Variants in AK5 observed in about 807,000 individuals in gnomAD.
AK5 encodes the protein adenylate kinase 5, also known as adenylate kinase isoenzyme 5.
AK5 carries 27 observed loss-of-function variants against 69.5 expected under a neutral mutation model. The ratio of observed to expected loss-of-function variants is 0.39; its 90% CI spans 0.29 to 0.54. AK5 has a LOEUF of 0.54. AK5 is among the 20% of genes least tolerant of loss of function. AK5 has a pLI of 0.71. For missense variants in AK5, 531 were observed against 700.4 expected, an observed-to-expected ratio of 0.76 and a Z score of 2.73; for synonymous variants, 260 against 244.4, an observed-to-expected ratio of 1.06 and a Z score of -0.60.
At chr1:77,391,487 GTGTGTGTGTATATATATATA>G (rs1322799030) in intron 6 of AK5, among the ~76,000 whole-genome samples, 2 of 89,468 alleles carry the variant, frequency 2.2e-5, no homozygotes, top group Non-Finnish European at 4.7e-5. Flanking sequence ...GTGTGTATGT[GTGTGTGTGTATATATATATA>G]TATATATATA....
At chr1:77,447,422 C>G (rs1299037321) in intron 8 of AK5, among the ~76,000 whole-genome samples, 5 of 152,152 alleles carry the variant, frequency 3.3e-5, no homozygotes, top group Non-Finnish European at 7.3e-5. Context: ...CTGGCATGCT[C>G]TGTCACAGGA....
At chr1:77,429,101 C>A (rs571323464) in intron 8 of AK5, among the ~76,000 whole-genome samples, 10 of 152,168 alleles carry the variant, frequency 6.6e-5, no homozygotes, top group Non-Finnish European at 1.2e-4. Flanking sequence ...ATTTATAATC[C>A]TTTGGGTATA....
intron 6 of AK5, among the ~76,000 whole-genome samples, chr1:77,377,821 T>C (rs1647347166): frequency 6.6e-6 from 1 of 152,212 alleles, no homozygotes; most frequent in South Asian, 2.1e-4. Context: ...TATTTAATTT[T>C]TCTTGTTATC....
At chr1:77,356,015 T>G (rs1289298135) in intron 6 of AK5, among the ~76,000 whole-genome samples, 3 of 152,166 alleles carry the variant, frequency 2.0e-5, no homozygotes, top group Non-Finnish European at 4.4e-5. Context: ...TCAAATCTTC[T>G]CTGCAGTTGA....
chr1:77,547,480 G>C (rs1019939845), intron 13 of AK5, among the ~76,000 whole-genome samples: 21 of 151,982 alleles, frequency 1.4e-4, no homozygotes, highest in African/African-American at 5.1e-4. Context: ...CGCCATGTTG[G>C]CCATGATGGT....
At chr1:77,472,959 C>G (rs186605022) in intron 8 of AK5, among the ~76,000 whole-genome samples, 30 of 150,652 alleles carry the variant, frequency 2.0e-4, no homozygotes, top group African/African-American at 7.3e-4. Context: ...TTAGAAGGAC[C>G]CTTGTGATTG....
intron 8 of AK5, among the ~76,000 whole-genome samples, chr1:77,472,579 G>A (rs1280869240): frequency 6.7e-6 from 1 of 148,806 alleles, no homozygotes; most frequent in Non-Finnish European, 1.5e-5. Context: ...CTACCTGCAA[G>A]AAAAGAAGAG....
At chr1:77,491,875 C>T (rs1428670237) in intron 10 of AK5, among the ~76,000 whole-genome samples, 1 of 152,126 alleles carries the variant, frequency 6.6e-6, no homozygotes, top group Non-Finnish European at 1.5e-5. Flanking sequence ...TTAGGGAGTT[C>T]AGTTATTAGA....
At chr1:77,461,907 A>G (rs757232857) in intron 8 of AK5, among the ~76,000 whole-genome samples, 10 of 152,338 alleles carry the variant, frequency 6.6e-5, no homozygotes, top group South Asian at 6.2e-4. Flanking sequence ...GTGAGATGAT[A>G]TATTTGTTAA....
intron 12 of AK5, among the ~76,000 whole-genome samples, chr1:77,533,764 T>A (rs371314789): frequency 1.3e-5 from 2 of 151,972 alleles, no homozygotes; most frequent in East Asian, 1.9e-4. Flanking sequence ...ATCTTTCCTG[T>A]CCCCACAAAT....
chr1:77,497,847 A>G (rs1325093564), intron 10 of AK5, among the ~76,000 whole-genome samples: 1 of 151,992 alleles, frequency 6.6e-6, no homozygotes, highest in Non-Finnish European at 1.5e-5. Flanking sequence ...CTCCCAAAGC[A>G]CTGGGATTAC....
chr1:77,456,689 T>A (rs1653504929), intron 8 of AK5, among the ~76,000 whole-genome samples: 2 of 152,190 alleles, frequency 1.3e-5, no homozygotes, highest in South Asian at 4.1e-4. Flanking sequence ...GAAAATGGGA[T>A]GGTTGGTCAC....
At chr1:77,474,501 G>T (rs1654720880) in intron 8 of AK5, among the ~76,000 whole-genome samples, 2 of 152,230 alleles carry the variant, frequency 1.3e-5, no homozygotes. Flanking sequence ...AGGTCAGACT[G>T]TAGGCTTCGG....
chr1:77,284,039 G>T (rs1361765509), intron 1 of AK5, among the ~76,000 whole-genome samples: 1 of 152,122 alleles, frequency 6.6e-6, no homozygotes, highest in Non-Finnish European at 1.5e-5. Context: ...TTTTTGTTAA[G>T]GTTTTATGTT....
In AK5 at chr1:77,435,123, C is replaced by T. The variant is rs548956391; in HGVS notation, c.1059+17408C>T. On this transcript the variant is annotated intron_variant, in intron 8 of 13. Coordinates refer to ENST00000354567, the MANE Select transcript of AK5 (RefSeq NM_174858.3). ...GGAGCTGACGAAAAAGTTGAAGGAG[C>T]GAGTTATCAACCTAGCCAAGCAAAA... is the stretch of plus-strand genomic sequence containing the variant. Among the ~76,000 whole-genome samples the T allele has an allele frequency of 3.9e-5, 6 of 152,148 alleles. No homozygotes were observed. The East Asian group carries it at 5.8e-4, about 15-fold the overall frequency.
chr1:77,486,539 CA>C (rs376300941), intron 10 of AK5, among the ~76,000 whole-genome samples, 187 bp downstream of exon 10: 3 of 150,502 alleles, frequency 2.0e-5, no homozygotes, highest in East Asian at 3.9e-4. Context: ...AGTAAAAATA[CA>C]AAAAAAAATT....
At chr1:77,533,509 C>CAAAAAAAAAAAAAAAAA (rs10526328) in intron 12 of AK5, among the ~76,000 whole-genome samples, 1 of 94,972 alleles carries the variant, frequency 1.1e-5, no homozygotes, top group African/African-American at 5.0e-5. Flanking sequence ...ACTCTGTCAC[C>CAAAAAAAAAAAAAAAAA]AAAAAAAAAA....
chr1:77,528,393 C>CGAT (rs1442067716), intron 12 of AK5, among the ~76,000 whole-genome samples: 3 of 151,990 alleles, frequency 2.0e-5, no homozygotes, highest in African/African-American at 7.3e-5. Flanking sequence ...TTGATGCGTC[C>CGAT]GATGCATTGG....
intron 10 of AK5, among the ~76,000 whole-genome samples, chr1:77,513,606 G>A (rs776184312): frequency 3.3e-5 from 5 of 152,238 alleles, no homozygotes; most frequent in Admixed American, 6.5e-5. Context: ...TCGGGAGGCC[G>A]AGGTGGGCGG....
Sources: allele counts gnomAD v4.1 joint callset (sites outside exome capture counted in the v4.1 genomes callset), GRCh38; gene constraint gnomAD v4.1.1; transcripts MANE v1.5; gene names NCBI Gene and HGNC (gene_info 2026-07-23, HGNC 2026-07-21).